UBE2Z: variants seen among roughly 807,000 people sequenced by gnomAD.
UBE2Z encodes ubiquitin-conjugating enzyme E2 Z.
A neutral mutation model predicts 32.6 loss-of-function variants in UBE2Z; 10 were observed. The ratio of observed to expected loss-of-function variants is 0.31; its 90% CI spans 0.19 to 0.52. The LOEUF is 0.52. Ranked by LOEUF, UBE2Z falls within the 20% of genes least tolerant of loss-of-function variation. The pLI is 0.97. For synonymous variants in UBE2Z, 183 were observed against 190.8 expected, an observed-to-expected ratio of 0.96 and a Z score of 0.34; for missense variants, 343 against 480.9, an observed-to-expected ratio of 0.71 and a Z score of 2.68.
At chr17:48,911,019 G>C in intron 2 of UBE2Z, 139 bp downstream of exon 2, 1 of 736,490 alleles carries the variant, frequency 1.4e-6, no homozygotes, top group African/African-American at 1.7e-5. Flanking sequence ...TAAGTGGCTT[G>C]TCCAAGGTCA....
intron 1 of UBE2Z, among the ~76,000 whole-genome samples, chr17:48,909,514 T>C (rs1205227036): frequency 6.8e-6 from 1 of 147,244 alleles, no homozygotes; most frequent in Non-Finnish European, 1.5e-5. Flanking sequence ...AATATCCCAC[T>C]CAGGAGCTTC....
intron 4 of UBE2Z, among the ~76,000 whole-genome samples, chr17:48,920,355 G>A (rs2040750614): frequency 6.6e-6 from 1 of 152,182 alleles, no homozygotes; most frequent in African/African-American, 2.4e-5. Context: ...AACTAGCTGG[G>A]CGTGGTGACA....
intron 3 of UBE2Z, among the ~76,000 whole-genome samples, chr17:48,913,816 C>G (rs951487900): frequency 6.6e-6 from 1 of 152,112 alleles, no homozygotes; most frequent in Non-Finnish European, 1.5e-5. Flanking sequence ...TTGAGTCTTG[C>G]AATAAGTTGC....
chr17:48,922,876 A>G lies in UBE2Z; in HGVS notation c.833A>G (p.Tyr278Cys). 2 of 1,612,944 alleles carry G rather than the reference A, an allele frequency of 1.2e-6. No individual in the cohort carries two copies. The highest frequency in any genetic ancestry group is 1.7e-6 in the Non-Finnish European group (2 of 1,179,258). Residue 278 changes from tyrosine (Y) to cysteine (C), a missense_variant, in exon 6 of 7, where the codon TAT (tyrosine) becomes TGT (cysteine). By Grantham distance (194) the Tyr-to-Cys change is radical. Around this residue, in one of 4 missense-constraint regions of UBE2Z, gnomAD observed 182 missense variants for 312.4 expected, o/e 0.58. Transcript: ENST00000360943. ...GTGATGGAGAAGTCCTTTCTGGAGT[A>G]TTACGACTTCTACGAGGTGGCCTGC... ...RGVMEKSFLE[Y>C]YDFYEVACKD...
chr17:48,918,292 A>G (rs1220153222), intron 4 of UBE2Z, among the ~76,000 whole-genome samples: 4 of 152,252 alleles, frequency 2.6e-5, no homozygotes, highest in African/African-American at 4.8e-5. Flanking sequence ...TTCTTCCTCT[A>G]TAGACCTGAA....
chr17:48,917,694 C>T (rs1213751539), intron 4 of UBE2Z, among the ~76,000 whole-genome samples: 1 of 152,150 alleles, frequency 6.6e-6, no homozygotes, highest in African/African-American at 2.4e-5. Context: ...CTTGTTTAAC[C>T]TTCATACTAT....
rs1314180464 is a variant in UBE2Z, at chr17:48,928,578, C to G, written c.*1444C>G. On this transcript the variant is annotated 3_prime_UTR_variant, in exon 7 of 7. Transcript: ENST00000360943. ...CTCTGCCTTGTGGATCATGGGACTC[C>G]CCTTGGAGGATCTGTGCAAAGGGGG... is the stretch of plus-strand genomic sequence containing the variant. The G allele has an allele frequency of 6.5e-6, 1 of 152,748 alleles. No individual in the cohort carries two copies. Among genetic ancestry groups the G allele is most frequent in the African/African-American group, 2.4e-5 (1 of 41,436 alleles). The allele number at this position is 152,748 out of a possible 1,614,324, so 9.5% of individuals were successfully genotyped here.
At chr17:48,924,912 G>T (rs1446864244) in intron 6 of UBE2Z, among the ~76,000 whole-genome samples, 1 of 151,278 alleles carries the variant, frequency 6.6e-6, no homozygotes, top group African/African-American at 2.4e-5. Flanking sequence ...GTTGGTAAGA[G>T]AATGAGAATT....
intron 6 of UBE2Z, among the ~76,000 whole-genome samples, chr17:48,925,633 G>A (rs755516934): frequency 6.6e-6 from 1 of 152,212 alleles, no homozygotes; most frequent in Non-Finnish European, 1.5e-5. Context: ...ATATCAGTGT[G>A]TAAAGGAAAA....
intron 6 of UBE2Z, among the ~76,000 whole-genome samples, chr17:48,926,092 G>GA (rs1376837949): frequency 6.6e-6 from 1 of 152,150 alleles, no homozygotes; most frequent in Non-Finnish European, 1.5e-5. Context: ...TCTAGAACAA[G>GA]AAGGACTAAG....
intron 1 of UBE2Z, among the ~76,000 whole-genome samples, chr17:48,909,817 C>G (rs953262543): frequency 1.6e-4 from 24 of 152,074 alleles, no homozygotes; most frequent in Non-Finnish European, 4.4e-5. Flanking sequence ...TTCTTATTCC[C>G]CATGTTCCAC....
rs979832095 is a variant in UBE2Z, at chr17:48,923,096, C to T, written c.894+159C>T. 134 of 550,416 alleles carry T rather than the reference C, an allele frequency of 2.4e-4. 3 individuals are homozygous for T. The highest frequency in any genetic ancestry group is 3.6e-4 in the Non-Finnish European group (116 of 323,502). The allele number at this position is 550,416 out of a possible 1,614,324, so 34.1% of individuals were successfully genotyped here. ...CAGCACTTTGGGAGGCCAAGGCGGG[C>T]GGATCACGAGGTCGGGAAATTGAGA... On this transcript the variant is annotated intron_variant, in intron 6 of 6. Coordinates refer to ENST00000360943, the MANE Select transcript of UBE2Z (RefSeq NM_023079.5).
intron 2 of UBE2Z, 93 bp from the exon 3 acceptor site, chr17:48,912,741 C>T (rs2040689259): frequency 2.9e-6 from 4 of 1,370,244 alleles, no homozygotes; most frequent in African/African-American, 1.4e-5. Flanking sequence ...ATTATGGACT[C>T]TGCTTCTGGT....
At chr17:48,911,100 G>C (rs2040673642) in intron 2 of UBE2Z, 1 of 523,378 alleles carries the variant, frequency 1.9e-6, no homozygotes, top group Admixed American at 3.1e-5. Context: ...TGATTGGCTT[G>C]GAAAATCCCA....
chr17:48,928,077 A>T lies in UBE2Z; in HGVS notation c.*943A>T, dbSNP rs977237732. The T allele has an allele frequency of 6.6e-6, 1 of 152,090 alleles. No homozygotes were observed. The highest frequency in any genetic ancestry group is 2.4e-5 in the African/African-American group (1 of 41,334). 9.4% of individuals were successfully genotyped at this position (152,090 alleles called of 1,614,324 possible). The stretch of plus-strand genomic sequence containing the variant: ...GGAGACTGATGCTAGTCCTTGTTGT[A>T]TTTTGTTGGGCTGTCCTTGTGTATT... On this transcript the variant is annotated 3_prime_UTR_variant, in exon 7 of 7. Transcript: ENST00000360943.
chr17:48,913,395 G>A (rs12939978), intron 3 of UBE2Z, among the ~76,000 whole-genome samples: 1 of 152,042 alleles, frequency 6.6e-6, no homozygotes, highest in South Asian at 2.1e-4. Context: ...TTGCTCTGTC[G>A]CCAGGCTGGA....
chr17:48,910,051 C>G (rs935595411), intron 1 of UBE2Z, among the ~76,000 whole-genome samples: 1 of 152,110 alleles, frequency 6.6e-6, no homozygotes, highest in Non-Finnish European at 1.5e-5. Flanking sequence ...GCTTTGTCGC[C>G]TATTTGCCCT....
rs560713115 is a variant in UBE2Z, at chr17:48,919,275, C to T, written c.691-1885C>T. Among the ~76,000 whole-genome samples the T allele has an allele frequency of 7.2e-5, 11 of 152,064 alleles. No individual in the cohort carries two copies. In the East Asian group the frequency reaches 1.2e-3, roughly 16 times the overall value. ...CTGGGATTACAGGTGTGAGCTACCG[C>T]GCCTGGCCCATCAGCTATTTTTATC... On this transcript the variant is annotated intron_variant, in intron 4 of 6. Coordinates refer to ENST00000360943, the MANE Select transcript of UBE2Z (RefSeq NM_023079.5).
intron 6 of UBE2Z, 36 bp from the exon 7 acceptor site, chr17:48,926,928 T>G (rs1409991968): frequency 1.3e-6 from 2 of 1,594,398 alleles, no homozygotes; most frequent in Non-Finnish European, 1.7e-6. Flanking sequence ...CCACCCAGAC[T>G]TGAATCTTCC....
Sources: allele counts gnomAD v4.1 joint callset (sites outside exome capture counted in the v4.1 genomes callset), GRCh38; gene constraint gnomAD v4.1.1; regional missense constraint gnomAD v4.1.1; transcripts MANE v1.5; gene names NCBI Gene and HGNC (gene_info 2026-07-23, HGNC 2026-07-21).